FITM1: variants seen among roughly 807,000 people sequenced by gnomAD.
The protein encoded by FITM1 is fat storage-inducing transmembrane protein 1.
In FITM1, 11 loss-of-function variants were observed where a neutral mutation model predicts 22.2. The observed-to-expected ratio is 0.50, with a 90% CI of 0.31 to 0.82. The LOEUF is 0.82. Ranked by LOEUF, FITM1 falls within the 40% of genes least tolerant of loss-of-function variation. The pLI, the probability that FITM1 is intolerant of heterozygous loss-of-function variation, is 0.04. For synonymous variants in FITM1, 164 were observed against 174.0 expected, an observed-to-expected ratio of 0.94 and a Z score of 0.45; for missense variants, 394 against 386.4, an observed-to-expected ratio of 1.02 and a Z score of -0.17.
Position 24,132,358 on chromosome 14 carries a change from C to T in FITM1, c.414C>T (p.Ala138=), listed in dbSNP as rs201136584. The T allele has an allele frequency of 1.4e-5, 22 of 1,613,774 alleles. No individual in the cohort carries two copies. The highest frequency in any genetic ancestry group is 2.7e-5 in the African/African-American group (2 of 74,922). Residue 138 remains alanine, a synonymous_variant, in exon 2 of 2, where the codon GCC becomes GCT. Coordinates refer to ENST00000267426, the MANE Select transcript of FITM1 (RefSeq NM_203402.3). ...LVVGAAVWRG[A]GRAFLLIEDL... ...TAGGGGCAGCCGTGTGGCGGGGAGCCGGCCGGGCCTTCCTGCTCATCGAGG... is the reference window on the plus strand; with the variant it reads ...TAGGGGCAGCCGTGTGGCGGGGAGCTGGCCGGGCCTTCCTGCTCATCGAGG...
In FITM1 at chr14:24,132,721, C is replaced by G; in HGVS notation, c.777C>G (p.Ala259=). 1 of 1,613,974 alleles carries G rather than the reference C, an allele frequency of 6.2e-7. No homozygotes were observed. Among genetic ancestry groups the G allele is most frequent in the Non-Finnish European group, 8.5e-7 (1 of 1,179,998 alleles). The part of the protein sequence containing the change: ...KVVGAAVGTF[A]WYLTYGSWYH... ...TGGGCGCCGCAGTGGGCACCTTTGC[C>G]TGGTACCTCACCTATGGCAGCTGGT... Residue 259 remains alanine, a synonymous_variant, in exon 2 of 2, where the codon GCC becomes GCG. Coordinates refer to ENST00000267426, the MANE Select transcript of FITM1 (RefSeq NM_203402.3).
rs1434377718 is a variant in FITM1 at position 24,131,528 on chromosome 14, C to T, written c.-36C>T. The stretch of plus-strand genomic sequence containing the variant: ...CCCCATCAGCCCCTCCTCAGCTGCC[C>T]AGCAAAGCAAGCAGTTAGTGGGGAG... On this transcript the variant is annotated 5_prime_UTR_variant, in exon 1 of 2. The change creates a premature stop within an existing upstream ORF in the 5' untranslated region. Coordinates refer to ENST00000267426, the MANE Select transcript of FITM1 (RefSeq NM_203402.3). 1 of 1,544,090 alleles carries T rather than the reference C, an allele frequency of 6.5e-7. No homozygotes were observed. The highest frequency in any genetic ancestry group is 2.0e-5 in the Admixed American group (1 of 51,182).
rs370519215 is a variant in FITM1, at chr14:24,131,606, G to C, written c.43G>C (p.Ala15Pro). 1.9e-6 allele frequency: 3 copies of C among 1,608,252 alleles called. No individual in the cohort carries two copies. The South Asian group carries it at 3.3e-5, about 18-fold the overall frequency. ...PVVGAGLGAG[A>P]RIQALLGCLL... Reference sequence around the variant, plus strand: ...GGTGGGGGCAGGACTGGGGGCCGGGGCCCGAATCCAGGCACTGCTGGGCTG... The same window carrying C: ...GGTGGGGGCAGGACTGGGGGCCGGGCCCCGAATCCAGGCACTGCTGGGCTG... Residue 15 changes from alanine (A) to proline (P), a missense_variant, in exon 1 of 2, where the codon GCC (alanine) becomes CCC (proline). Ala to Pro is a conservative substitution (Grantham distance 27). Transcript: ENST00000267426.
chr14:24,132,727 C>T lies in FITM1; in HGVS notation c.783C>T (p.Tyr261=), dbSNP rs2139035919. The T allele has an allele frequency of 1.9e-6, 3 of 1,613,942 alleles. 1 individual carries two copies. The Middle Eastern group carries it at 5.0e-4, about 266-fold the overall frequency. The change falls in exon 2 of 2, where the codon TAC becomes TAT. Residue 261 remains tyrosine, a synonymous_variant. Coordinates refer to ENST00000267426, the MANE Select transcript of FITM1 (RefSeq NM_203402.3). The part of the protein sequence containing the change: ...VGAAVGTFAW[Y]LTYGSWYHQP... ...CCGCAGTGGGCACCTTTGCCTGGTA[C>T]CTCACCTATGGCAGCTGGTATCATC...
At chr14:24,132,095 G>A (rs1234375690) in intron 1 of FITM1, 116 bp from the exon 2 acceptor site, 14 of 1,441,114 alleles carry the variant, frequency 9.7e-6, no homozygotes, top group Admixed American at 7.1e-5. Context: ...TAAAGGGCAC[G>A]GCAAGGAGAG....
chr14:24,131,593 A>C lies in FITM1; in HGVS notation c.30A>C (p.Gly10=). The change falls in exon 1 of 2, where the codon GGA becomes GGC. Residue 10 remains glycine (G), a synonymous_variant. Coordinates refer to ENST00000267426, the MANE Select transcript of FITM1 (RefSeq NM_203402.3). The stretch of plus-strand genomic sequence containing the variant: ...AGCGGGGGCCGGTGGTGGGGGCAGG[A>C]CTGGGGGCCGGGGCCCGAATCCAGG... MERGPVVGA[G]LGAGARIQAL... 1 of 1,525,966 alleles carries C rather than the reference A, an allele frequency of 6.6e-7. No homozygotes were observed. Among genetic ancestry groups the C allele is most frequent in the South Asian group, 1.1e-5 (1 of 88,302 alleles). 94.5% of individuals were successfully genotyped at this position (1,525,966 alleles called of 1,614,324 possible).
chr14:24,131,531 C>A lies in FITM1; in HGVS notation c.-33C>A. 6.5e-7 allele frequency: 1 copy of A among 1,538,968 alleles called. No individual in the cohort carries two copies. On this transcript the variant is annotated 5_prime_UTR_variant, in exon 1 of 2. Transcript: ENST00000267426. ...CATCAGCCCCTCCTCAGCTGCCCAG[C>A]AAAGCAAGCAGTTAGTGGGGAGGGG... is the stretch of plus-strand genomic sequence containing the variant.
At chr14:24,131,863 C>A in intron 1 of FITM1, 34 bp downstream of exon 1, 1 of 1,538,982 alleles carries the variant, frequency 6.5e-7, no homozygotes, top group Non-Finnish European at 8.7e-7. Flanking sequence ...AGCCGGGTCC[C>A]TGCACTCTGG....
rs1250883406 is a variant in FITM1, at chr14:24,130,686, G to C, written c.-878G>C. Among the ~76,000 whole-genome samples the C allele has an allele frequency of 6.6e-6, 1 of 152,238 alleles. No homozygotes were observed. The highest frequency in any genetic ancestry group is 1.5e-5 in the Non-Finnish European group (1 of 68,040). On this transcript the variant is annotated 5_prime_UTR_variant, in exon 1 of 2. Coordinates refer to ENST00000267426, the MANE Select transcript of FITM1 (RefSeq NM_203402.3). ...TGACTGCCCTGCTGTCGCCGCCTCA[G>C]CAGTCAGACTGGGAGGGCAGGCTTA...
In FITM1 at chr14:24,132,271, G is replaced by A; in HGVS notation, c.327G>A (p.Leu109=). 1 of 1,613,604 alleles carries A rather than the reference G, an allele frequency of 6.2e-7. No individual in the cohort carries two copies. The highest frequency in any genetic ancestry group is 8.5e-7 in the Non-Finnish European group (1 of 1,179,788). The stretch of plus-strand genomic sequence containing the variant: ...CTTTCTTAGGGGGCTTTGTGTTGCT[G>A]GTGGTGTTCCTGGCTACACGGCGCG... ...TCTFLGGFVL[L]VVFLATRRVA... is the part of the protein sequence containing the mutation. The change falls in exon 2 of 2, where the codon CTG becomes CTA. Residue 109 remains leucine (L), a synonymous_variant. Coordinates refer to ENST00000267426, the MANE Select transcript of FITM1 (RefSeq NM_203402.3).
Position 24,132,278 on chromosome 14 carries a change from T to G in FITM1, c.334T>G (p.Phe112Val), listed in dbSNP as rs779271249. ...AGGGGGCTTTGTGTTGCTGGTGGTG[T>G]TCCTGGCTACACGGCGCGTGGCAGT... The part of the protein sequence containing the change: ...FLGGFVLLVV[F>V]LATRRVAVTA... The change falls in exon 2 of 2, where the codon TTC (phenylalanine) becomes GTC (valine). Residue 112 changes from phenylalanine to valine, a missense_variant. Coordinates refer to ENST00000267426, the MANE Select transcript of FITM1 (RefSeq NM_203402.3). 7 of 1,613,646 alleles carry G rather than the reference T, an allele frequency of 4.3e-6. No individual in the cohort carries two copies. Among genetic ancestry groups the G allele is most frequent in the African/African-American group, 2.7e-5 (2 of 74,898 alleles).
Position 24,131,789 on chromosome 14 carries a change from C to G in FITM1, c.226C>G (p.Pro76Ala), listed in dbSNP as rs749471499. 2.5e-6 allele frequency: 4 copies of G among 1,608,454 alleles called. No homozygotes were observed. The African/African-American group carries it at 5.3e-5, about 22-fold the overall frequency. Residue 76 changes from proline (P) to alanine (A), a missense_variant, in exon 1 of 2, where the codon CCT (proline) becomes GCT (alanine). By Grantham distance (27) the Pro-to-Ala change is conservative. Transcript: ENST00000267426. ...GCCGCTTCTGCAGTTCCATGTCAAC[C>G]CTCGGACTATCTTCGCCAGCCACGG... is the stretch of plus-strand genomic sequence containing the variant. Reference protein sequence around the residue: ...FGPLLQFHVNPRTIFASHGNF... With the variant: ...FGPLLQFHVNARTIFASHGNF...
In FITM1 at chr14:24,131,610, G is replaced by A. The variant is rs375038109; in HGVS notation, c.47G>A (p.Arg16Gln). The A allele has an allele frequency of 5.3e-5, 86 of 1,609,288 alleles. No homozygotes were observed. The highest frequency in any genetic ancestry group is 1.7e-4 in the South Asian group (15 of 90,678). The change falls in exon 1 of 2, where the codon CGA (arginine) becomes CAA (glutamine). Residue 16 changes from arginine (R) to glutamine (Q), a missense_variant. Transcript: ENST00000267426. Reference protein sequence around the residue: ...VVGAGLGAGARIQALLGCLLK... With the variant: ...VVGAGLGAGAQIQALLGCLLK... Reference sequence around the variant, plus strand: ...GGGGCAGGACTGGGGGCCGGGGCCCGAATCCAGGCACTGCTGGGCTGCCTG... The same window carrying A: ...GGGGCAGGACTGGGGGCCGGGGCCCAAATCCAGGCACTGCTGGGCTGCCTG...
rs567716347 is a variant in FITM1, at chr14:24,130,712, T to G, written c.-852T>G. Among the ~76,000 whole-genome samples the G allele has an allele frequency of 2.6e-5, 4 of 152,350 alleles. No homozygotes were observed. The East Asian group carries it at 7.7e-4, about 29-fold the overall frequency. On this transcript the variant is annotated 5_prime_UTR_variant, in exon 1 of 2. Transcript: ENST00000267426. ...CAGTCAGACTGGGAGGGCAGGCTTATATGGAGAGCCCTGAGGCCCAGGGTA... is the reference window on the plus strand; with the variant it reads ...CAGTCAGACTGGGAGGGCAGGCTTAGATGGAGAGCCCTGAGGCCCAGGGTA...
intron 1 of FITM1, 55 bp downstream of exon 1, chr14:24,131,884 C>T (rs750645058): frequency 2.6e-6 from 4 of 1,519,440 alleles, no homozygotes; most frequent in Non-Finnish European, 3.5e-6. Flanking sequence ...GATCCTAGCT[C>T]CCTTCTCCAG....
chr14:24,132,571 C>T lies in FITM1; in HGVS notation c.627C>T (p.Ala209=). ...EEAAVFAKYL[A]HGLPAGAPLR... is the part of the protein sequence containing the mutation. ...CAGCTGTGTTCGCCAAGTACCTGGC[C>T]CATGGGCTTCCTGCCGGCGCCCCAC... is the stretch of plus-strand genomic sequence containing the variant. Residue 209 remains alanine, a synonymous_variant, in exon 2 of 2, where the codon GCC becomes GCT. Transcript: ENST00000267426. The T allele has an allele frequency of 1.2e-6, 2 of 1,608,502 alleles. No individual in the cohort carries two copies. Among genetic ancestry groups the T allele is most frequent in the Non-Finnish European group, 1.7e-6 (2 of 1,180,016 alleles).
In FITM1 at chr14:24,131,571, G is replaced by A. The variant is rs1293322975; in HGVS notation, c.8G>A (p.Arg3Gln). MERGPVVGAGLGA... is the reference protein window; with the variant it reads MEQGPVVGAGLGA... The stretch of plus-strand genomic sequence containing the variant: ...GTGGGGAGGGGAGGGAACATGGAGC[G>A]GGGGCCGGTGGTGGGGGCAGGACTG... Residue 3 changes from arginine (R) to glutamine (Q), a missense_variant, in exon 1 of 2, where the codon CGG becomes CAG. Coordinates refer to ENST00000267426, the MANE Select transcript of FITM1 (RefSeq NM_203402.3). 17 of 1,580,960 alleles carry A rather than the reference G, an allele frequency of 1.1e-5. No homozygotes were observed. Among genetic ancestry groups the A allele is most frequent in the South Asian group, 3.4e-5 (3 of 87,188 alleles).
In FITM1 at chr14:24,132,515, A is replaced by C; in HGVS notation, c.571A>C (p.Thr191Pro). ...CGTCTCCTCCCACACCTTCCTGCTCACCTTTTGCTGCCTGCTCATGGCAGA... is the reference window on the plus strand; with the variant it reads ...CGTCTCCTCCCACACCTTCCTGCTCCCCTTTTGCTGCCTGCTCATGGCAGA... ...YTVSSHTFLLTFCCLLMAEEA... is the reference protein window; with the variant it reads ...YTVSSHTFLLPFCCLLMAEEA... Residue 191 changes from threonine to proline, a missense_variant, in exon 2 of 2, where the codon ACC (threonine) becomes CCC (proline). Transcript: ENST00000267426. 1 of 1,603,812 alleles carries C rather than the reference A, an allele frequency of 6.2e-7. No homozygotes were observed. The highest frequency in any genetic ancestry group is 8.5e-7 in the Non-Finnish European group (1 of 1,179,946).
chr14:24,131,538 A>G lies in FITM1; in HGVS notation c.-26A>G, dbSNP rs945454568. The G allele has an allele frequency of 3.9e-5, 60 of 1,545,516 alleles. No homozygotes were observed. The highest frequency in any genetic ancestry group is 5.2e-5 in the Non-Finnish European group (60 of 1,144,498). ...CCCTCCTCAGCTGCCCAGCAAAGCA[A>G]GCAGTTAGTGGGGAGGGGAGGGAAC... On this transcript the variant is annotated 5_prime_UTR_variant, in exon 1 of 2. Transcript: ENST00000267426.
Sources: gnomAD v4.1 joint callset for allele counts (sites outside exome capture counted in the v4.1 genomes callset) on GRCh38, gnomAD v4.1.1 for gene constraint, MANE v1.5 for transcripts, NCBI Gene and HGNC (gene_info 2026-07-23, HGNC 2026-07-21) for gene names.